The following APMAP variants were observed in gnomAD, a reference collection of about 807,000 sequenced individuals.
APMAP encodes the protein adipocyte plasma membrane-associated protein.
In APMAP, 33 loss-of-function variants were observed where a neutral mutation model predicts 43.6. That is an observed-to-expected ratio of 0.76 (90% confidence interval 0.57 to 1.01). The LOEUF (loss-of-function observed/expected upper bound fraction) is 1.01, where lower values mean the gene tolerates loss of function less well. Among genes scored for constraint, APMAP ranks in the 50% least tolerant of loss-of-function variants. The pLI, the probability that APMAP is intolerant of heterozygous loss-of-function variation, is 0.00. For synonymous variants in APMAP, 224 were observed against 216.7 expected (o/e 1.03, Z -0.30); for missense variants, 498 against 540.7 (o/e 0.92, Z 0.78).
intron 1 of APMAP, 85 bp from the exon 2 acceptor site, chr20:24,984,104 A>G (rs965461697): frequency 1.3e-5 from 14 of 1,050,550 alleles, no homozygotes; most frequent in Non-Finnish European, 2.0e-5. Flanking sequence ...TCCCGGCAGG[A>G]GCAGGGACGC....
intron 8 of APMAP, chr20:24,964,262 C>G (rs927602154): frequency 1.7e-4 from 113 of 667,012 alleles, no homozygotes; most frequent in Middle Eastern, 2.4e-4. Flanking sequence ...CTCCCCAGCA[C>G]AAGGACAGCA....
chr20:24,988,657 T>C (rs529817625), intron 1 of APMAP, among the ~76,000 whole-genome samples: 1 of 152,262 alleles, frequency 6.6e-6, no homozygotes, highest in East Asian at 1.9e-4. Context: ...AGGTACAGGG[T>C]GGGCCTGCGA....
At chr20:24,974,857 T>C (rs1247371972) in intron 3 of APMAP, among the ~76,000 whole-genome samples, 2 of 152,182 alleles carry the variant, frequency 1.3e-5, no homozygotes, top group Non-Finnish European at 2.9e-5. Context: ...CAAAAACTGA[T>C]GAAACTGCAA....
intron 7 of APMAP, 133 bp from the exon 8 acceptor site, chr20:24,969,217 C>T: frequency 4.0e-6 from 4 of 1,009,396 alleles, no homozygotes; most frequent in Non-Finnish European, 5.6e-6. Context: ...TGAACAAAGG[C>T]TCAGCTGCTG....
At chr20:24,970,427 T>A in intron 5 of APMAP, 56 bp from the exon 6 acceptor site, 2 of 1,506,642 alleles carry the variant, frequency 1.3e-6, no homozygotes, top group Non-Finnish European at 1.8e-6. Flanking sequence ...TCTCAATAAT[T>A]GCAAAATATT....
chr20:24,984,144 G>A lies in APMAP; in HGVS notation c.96-125C>T, dbSNP rs1212217968. 2.4e-5 allele frequency: 16 copies of A among 665,078 alleles called. No homozygotes were observed. In the East Asian group the frequency reaches 2.9e-4, roughly 12 times the overall value. 41.2% of individuals were successfully genotyped at this position (665,078 alleles called of 1,614,324 possible). ...CCAGTTTCCCCACTGCAAGCTGGCCGACCTCTGGCTTGTGATTAAACTCTA... is the reference window on the plus strand; with the variant it reads ...CCAGTTTCCCCACTGCAAGCTGGCCAACCTCTGGCTTGTGATTAAACTCTA... On this transcript the variant is annotated intron_variant, in intron 1 of 8. Coordinates refer to ENST00000217456, the MANE Select transcript of APMAP (RefSeq NM_020531.3).
rs754994056 is a variant in APMAP, at chr20:24,978,838, G to A, written c.257C>T (p.Thr86Met). 2.0e-5 allele frequency: 33 copies of A among 1,612,870 alleles called. No individual in the cohort carries two copies. Among genetic ancestry groups the A allele is most frequent in the African/African-American group, 8.1e-5 (6 of 74,516 alleles). The change falls in exon 3 of 9, where the codon ACG becomes ATG. Residue 86 changes from threonine (T) to methionine (M), a missense_variant. Thr to Met is a moderately conservative substitution (Grantham distance 81). Transcript: ENST00000217456. Reference sequence around the variant, plus strand: ...CAGCCTTTCTGCCTGTCGCAGCTTCGTATTTGGATGCAGAACACCAAGCAA... The same window carrying A: ...CAGCCTTTCTGCCTGTCGCAGCTTCATATTTGGATGCAGAACACCAAGCAA... Reference protein sequence around the residue: ...PLLLGVLHPNTKLRQAERLFE... With the variant: ...PLLLGVLHPNMKLRQAERLFE...
chr20:24,987,252 T>C (rs1186726613), intron 1 of APMAP, among the ~76,000 whole-genome samples: 6 of 152,196 alleles, frequency 3.9e-5, no homozygotes, highest in Non-Finnish European at 1.5e-5. Flanking sequence ...CCTCCCAAAG[T>C]AGCTAGGACT....
chr20:24,982,155 T>C (rs911655530), intron 2 of APMAP, among the ~76,000 whole-genome samples: 1 of 150,836 alleles, frequency 6.6e-6, no homozygotes, highest in Non-Finnish European at 1.5e-5. Flanking sequence ...TTGGCTGTGA[T>C]GGTTCCACTG....
intron 3 of APMAP, 22 bp downstream of exon 3, chr20:24,978,745 C>T (rs376804461): frequency 1.5e-6 from 2 of 1,343,032 alleles, no homozygotes; most frequent in African/African-American, 1.5e-5. Context: ...AAGGCTCCCC[C>T]CCCACCCAAG....
At position 24,963,087 on chromosome 20, in the gene APMAP, G is replaced by A. The variant is rs369188377; in HGVS notation, c.*726C>T. On this transcript the variant is annotated 3_prime_UTR_variant, in exon 9 of 9. Coordinates refer to ENST00000217456, the MANE Select transcript of APMAP (RefSeq NM_020531.3). Reference sequence around the variant, plus strand: ...TCACATCTTGGGGTCTAGAGGTCAAGAACAAAGATCACAGACAAGACGTTA... The same window carrying A: ...TCACATCTTGGGGTCTAGAGGTCAAAAACAAAGATCACAGACAAGACGTTA... 6.6e-6 allele frequency: 1 copy of A among 152,268 alleles called. No individual in the cohort carries two copies. Among genetic ancestry groups the A allele is most frequent in the African/African-American group, 2.4e-5 (1 of 41,434 alleles). The allele number at this position is 152,268 out of a possible 1,614,324, so 9.4% of individuals were successfully genotyped here. A position where few individuals can be genotyped will look rare whatever the true frequency, so the allele number is the denominator to read the frequency against.
intron 1 of APMAP, among the ~76,000 whole-genome samples, chr20:24,987,536 CAGAG>C (rs972375437): frequency 2.0e-5 from 3 of 152,098 alleles, no homozygotes; most frequent in Non-Finnish European, 4.4e-5. Context: ...GTTTTGAAAG[CAGAG>C]AGAGTTGGTG....
At position 24,992,616 on chromosome 20, in the gene APMAP, C is replaced by A; in HGVS notation, c.73G>T (p.Ala25Ser). 6.4e-7 allele frequency: 1 copy of A among 1,568,132 alleles called. No homozygotes were observed. Among genetic ancestry groups the A allele is most frequent in the South Asian group, 1.2e-5 (1 of 85,332 alleles). ...TACCTGCCGTCCTTAGCCTCCGGGG[C>A]CTGGCCATCATCGTCTGTGACGACC... The part of the protein sequence containing the change: ...PQVVTDDDGQ[A>S]PEAKDGSSFS... The change falls in exon 1 of 9, where the codon GCC becomes TCC. Residue 25 changes from alanine to serine, a missense_variant. By Grantham distance (99) the Ala-to-Ser change is moderately conservative (BLOSUM62 1). Transcript: ENST00000217456.
chr20:24,984,764 G>A (rs2088133503), intron 1 of APMAP, among the ~76,000 whole-genome samples: 1 of 152,178 alleles, frequency 6.6e-6, no homozygotes, highest in African/African-American at 2.4e-5. Context: ...AAATATCTCT[G>A]AACCAATCTT....
rs538284578 is a variant in APMAP at position 24,990,900 on chromosome 20, C to A, written c.95+1694G>T. ...GGGATAAACAAACAAGAAGGACAAA[C>A]ACAGGGAAACAGGAACAATGTTCAT... On this transcript the variant is annotated intron_variant, in intron 1 of 8. Transcript: ENST00000217456. 3.3e-5 allele frequency among the ~76,000 whole-genome samples: 5 copies of A among 152,198 alleles called. No homozygotes were observed. The East Asian group carries it at 9.7e-4, about 29-fold the overall frequency.
Position 24,992,722 on chromosome 20 carries a change from C to T in APMAP, c.-34G>A. ...CGCCAGCCTCACCCGCAGAAACCACCTCACACTGAGCGGCGCCGGCTCAGA... is the reference window on the plus strand; with the variant it reads ...CGCCAGCCTCACCCGCAGAAACCACTTCACACTGAGCGGCGCCGGCTCAGA... On this transcript the variant is annotated 5_prime_UTR_variant, in exon 1 of 9. Coordinates refer to ENST00000217456, the MANE Select transcript of APMAP (RefSeq NM_020531.3). The T allele has an allele frequency of 6.9e-7, 1 of 1,454,672 alleles. No homozygotes were observed. The highest frequency in any genetic ancestry group is 9.1e-7 in the Non-Finnish European group (1 of 1,093,926). 90.1% of individuals were successfully genotyped at this position (1,454,672 alleles called of 1,614,324 possible). A position where few individuals can be genotyped will look rare whatever the true frequency, so the allele number is the denominator to read the frequency against.
At chr20:24,981,035 C>T (rs1368604693) in intron 2 of APMAP, among the ~76,000 whole-genome samples, 1 of 152,216 alleles carries the variant, frequency 6.6e-6, no homozygotes, top group Non-Finnish European at 1.5e-5. Context: ...TCTAAAAAAT[C>T]AGAGAACAGG....
At chr20:24,984,109 G>A (rs1466103370) in intron 1 of APMAP, 90 bp from the exon 2 acceptor site, 3 of 1,000,402 alleles carry the variant, frequency 3.0e-6, no homozygotes, top group African/African-American at 1.6e-5. Flanking sequence ...GCAGGAGCAG[G>A]GACGCTCATC....
intron 3 of APMAP, 98 bp from the exon 4 acceptor site, chr20:24,973,835 T>C: frequency 3.0e-6 from 3 of 1,003,620 alleles, no homozygotes; most frequent in Non-Finnish European, 4.5e-6. Context: ...ATGTTCCCCC[T>C]GCCCTATAGA....
Sources: allele counts gnomAD v4.1 joint callset (sites outside exome capture counted in the v4.1 genomes callset), GRCh38; gene constraint gnomAD v4.1.1; transcripts MANE v1.5; gene names NCBI Gene and HGNC (gene_info 2026-07-23, HGNC 2026-07-21).